Variants in ZAN observed in about 807,000 individuals in gnomAD.
ZAN encodes the protein zonadhesin (gene/pseudogene).
Under a neutral mutation model 286.2 loss-of-function variants are expected in ZAN, and 260 were observed. The ratio of observed to expected loss-of-function variants is 0.91; its 90% CI spans 0.82 to 1.01. ZAN has a LOEUF of 1.01. Ranked by LOEUF, ZAN falls within the 50% of genes least tolerant of loss-of-function variation. ZAN has a pLI of 0.00. For missense variants in ZAN, 3,410 were observed against 3,639.2 expected, an observed-to-expected ratio of 0.94 and a Z score of 1.62; for synonymous variants, 1,368 against 1,417.5, an observed-to-expected ratio of 0.97 and a Z score of 0.79.
In ZAN at chr7:100,765,488, C is replaced by T. The variant is rs1352850492; in HGVS notation, c.4404C>T (p.Leu1468=). The change falls in exon 23 of 48, where the codon CTC becomes CTT. Residue 1468 remains leucine, a synonymous_variant. Transcript: ENST00000613979. ...EACECNPGFV[L]SGLECIPRSQ... ...GTGAATGCAATCCGGGCTTCGTCCTCAGTGGCCTCGAGTGCATACCTCGCT... is the reference window on the plus strand; with the variant it reads ...GTGAATGCAATCCGGGCTTCGTCCTTAGTGGCCTCGAGTGCATACCTCGCT... 1.2e-5 allele frequency: 20 copies of T among 1,612,852 alleles called. No individual in the cohort carries two copies. Among genetic ancestry groups the T allele is most frequent in the Non-Finnish European group, 1.7e-5 (20 of 1,179,510 alleles).
chr7:100,787,587 T>G (rs1811641842), intron 37 of ZAN, among the ~76,000 whole-genome samples: 1 of 152,086 alleles, frequency 6.6e-6, no homozygotes, highest in African/African-American at 2.4e-5. Context: ...TGAGATGGTG[T>G]CTTACTCTGT....
chr7:100,762,255 G>T lies in ZAN; in HGVS notation c.3883G>T (p.Asp1295Tyr). Residue 1295 changes from aspartate (D) to tyrosine (Y), a missense_variant, in exon 20 of 48, where the codon GAC becomes TAC. Physicochemically the swap from Asp to Tyr is radical, Grantham distance 160. Coordinates refer to ENST00000613979, the MANE Select transcript of ZAN (RefSeq NM_003386.3). ...ACTCTGTGGTTTGTGTGGGAACTAT[G>T]ACGGCAACAGTGACAATGACCACCT... is the stretch of plus-strand genomic sequence containing the variant. ...GKLCGLCGNY[D>Y]GNSDNDHLKL... is the part of the protein sequence containing the mutation. 1.9e-6 allele frequency: 3 copies of T among 1,613,530 alleles called. No homozygotes were observed. Among genetic ancestry groups the T allele is most frequent in the Non-Finnish European group, 2.5e-6 (3 of 1,179,716 alleles).
intron 27 of ZAN, 137 bp downstream of exon 27, chr7:100,768,858 C>G: frequency 1.4e-6 from 1 of 702,628 alleles, no homozygotes; most frequent in Non-Finnish European, 2.3e-6. Context: ...CTGGCAATCT[C>G]TCCTGTTTAG....
chr7:100,779,419 C>T, intron 34 of ZAN, 27 bp from the exon 35 acceptor site: 1 of 1,587,012 alleles, frequency 6.3e-7, no homozygotes, highest in Non-Finnish European at 8.6e-7. Context: ...GACGGCTGTC[C>T]CTAGGCTGAT....
In ZAN at chr7:100,757,919, T is replaced by TAAAA. The variant is rs76692637; in HGVS notation, c.3310-266_3310-263dup. Among the ~76,000 whole-genome samples the TAAAA allele has an allele frequency of 1.8e-3, 194 of 104,938 alleles. 1 individual carries two copies. The highest frequency in any genetic ancestry group is 6.5e-3 in the African/African-American group (178 of 27,528). The allele number at this position is 104,938 out of a possible 152,430, so 68.8% of individuals were successfully genotyped here. On this transcript the variant is annotated intron_variant, in intron 15 of 47. Coordinates refer to ENST00000613979, the MANE Select transcript of ZAN (RefSeq NM_003386.3). ...GCAAGACTCCATCTCTCCAAAACGT[T>TAAAA]AAAAAAAAAAAAAAAAAAAAGTCGG... is the stretch of plus-strand genomic sequence containing the variant.
intron 3 of ZAN, 109 bp from the exon 4 acceptor site, chr7:100,736,374 C>A: frequency 7.9e-7 from 1 of 1,261,348 alleles, no homozygotes; most frequent in Non-Finnish European, 1.1e-6. Flanking sequence ...CGGCTGATTT[C>A]ATGGCAGCTT....
chr7:100,786,122 C>T lies in ZAN; in HGVS notation c.6960C>T (p.Asn2320=), dbSNP rs1458493182. 6.2e-7 allele frequency: 1 copy of T among 1,613,992 alleles called. No homozygotes were observed. The highest frequency in any genetic ancestry group is 1.1e-5 in the South Asian group (1 of 91,088). Residue 2320 remains asparagine, a synonymous_variant, in exon 37 of 48, where the codon AAC becomes AAT. Transcript: ENST00000613979. The part of the protein sequence containing the change: ...SHCQLTSDNS[N]SNCVSDKSEQ... Reference sequence around the variant, plus strand: ...GCCAGCTCACTTCCGACAACAGCAACAGCAATTGTGTCTCAGACAGTAAGG... The same window carrying T: ...GCCAGCTCACTTCCGACAACAGCAATAGCAATTGTGTCTCAGACAGTAAGG...
chr7:100,751,575 G>A (rs1240810841), intron 13 of ZAN, 137 bp from the exon 14 acceptor site: 24 of 936,174 alleles, frequency 2.6e-5, no homozygotes, highest in Non-Finnish European at 3.6e-5. Context: ...TCGTTGAGTG[G>A]ATGAAGGTTG....
intron 3 of ZAN, 111 bp downstream of exon 3, chr7:100,735,883 C>T (rs1807259616): frequency 1.2e-6 from 1 of 868,240 alleles, no homozygotes; most frequent in Non-Finnish European, 1.8e-6. Flanking sequence ...CCTCCAGTCC[C>T]CTCCGGGCAT....
intron 23 of ZAN, 29 bp downstream of exon 23, chr7:100,765,583 T>C (rs559088898): frequency 1.9e-6 from 3 of 1,570,752 alleles, no homozygotes; most frequent in East Asian, 2.4e-5. Flanking sequence ...CTCTCAGCCC[T>C]GCAGCTAGAA....
At chr7:100,759,665 G>A (rs549751939) in intron 17 of ZAN, 56 bp from the exon 18 acceptor site, 18 of 1,526,228 alleles carry the variant, frequency 1.2e-5, no homozygotes, top group East Asian at 4.9e-5. Flanking sequence ...GGCACTGCTC[G>A]CGGCAGATGT....
intron 28 of ZAN, among the ~76,000 whole-genome samples, chr7:100,771,012 C>G (rs1427592359): frequency 6.6e-6 from 1 of 152,154 alleles, no homozygotes. Context: ...CCATGTTGGC[C>G]AGGCTGATCT....
Position 100,784,966 on chromosome 7 carries a change from T to C in ZAN, c.6834+132T>C, listed in dbSNP as rs1032466449. Reference sequence around the variant, plus strand: ...CCGGGGGTGTGAAGGCTGGTGTGAGTGGCACATTGATCTCCAGCCAGGTCT... The same window carrying C: ...CCGGGGGTGTGAAGGCTGGTGTGAGCGGCACATTGATCTCCAGCCAGGTCT... On this transcript the variant is annotated intron_variant, in intron 36 of 47. Coordinates refer to ENST00000613979, the MANE Select transcript of ZAN (RefSeq NM_003386.3). 3.8e-5 allele frequency: 40 copies of C among 1,048,560 alleles called. No homozygotes were observed. In the African/African-American group the frequency reaches 5.5e-4, roughly 14 times the overall value. 65.0% of individuals were successfully genotyped at this position (1,048,560 alleles called of 1,614,324 possible).
rs1214006059 is a variant in ZAN, at chr7:100,776,485, C to T, written c.6238C>T (p.Leu2080=). The change falls in exon 34 of 48, where the codon CTA becomes TTA. Residue 2080 remains leucine, a synonymous_variant. Transcript: ENST00000613979. ...GNFNDEEEDE[L]MMPSDEVANS... Reference sequence around the variant, plus strand: ...CTTCAATGATGAGGAAGAGGACGAACTAATGATGCCCAGCGATGAAGTAGC... The same window carrying T: ...CTTCAATGATGAGGAAGAGGACGAATTAATGATGCCCAGCGATGAAGTAGC... The T allele has an allele frequency of 1.9e-6, 3 of 1,600,512 alleles. No individual in the cohort carries two copies. Among genetic ancestry groups the T allele is most frequent in the South Asian group, 1.1e-5 (1 of 88,158 alleles).
Position 100,736,867 on chromosome 7 carries a change from G to A in ZAN, c.312G>A (p.Leu104=). The A allele has an allele frequency of 2.7e-6, 4 of 1,485,246 alleles. 1 individual carries two copies. Among genetic ancestry groups the A allele is most frequent in the Middle Eastern group, 3.4e-4 (2 of 5,906 alleles). 92.0% of individuals were successfully genotyped at this position (1,485,246 alleles called of 1,614,324 possible). ...NSFHRGGVAR[L]LSPDLWEQGP... is the part of the protein sequence containing the mutation. The stretch of plus-strand genomic sequence containing the variant: ...TCCACCGTGGGGGAGTGGCCCGCCT[G>A]CTCAGCCCCGACCTATGGGAGCAAG... The change falls in exon 5 of 48, where the codon CTG becomes CTA. Residue 104 remains leucine, a synonymous_variant. Transcript: ENST00000613979.
In ZAN at chr7:100,737,307, G is replaced by T. The variant is rs1230015723; in HGVS notation, c.571G>T (p.Ala191Ser). 6.7e-7 allele frequency: 1 copy of T among 1,487,050 alleles called. No individual in the cohort carries two copies. The highest frequency in any genetic ancestry group is 1.2e-5 in the South Asian group (1 of 84,676). The allele number at this position is 1,487,050 out of a possible 1,614,324, so 92.1% of individuals were successfully genotyped here. A position where few individuals can be genotyped will look rare whatever the true frequency, so the allele number is the denominator to read the frequency against. Residue 191 changes from alanine (A) to serine (S), a missense_variant, in exon 6 of 48, where the codon GCC becomes TCC. Ala to Ser is a moderately conservative substitution (Grantham distance 99). Around this residue, in one of 7 missense-constraint regions of ZAN, gnomAD observed 872 missense variants for 938.9 expected, o/e 0.93. Transcript: ENST00000613979. ...TRGSTAYLDI[A>S]LDALSIRRGS... ...GGGTAGCACTGCCTACCTGGACATC[G>T]CCCTGGATGCCCTCTCTATCCGCCG...
chr7:100,755,506 A>G (rs775244030), intron 15 of ZAN, 96 bp downstream of exon 15: 21 of 1,406,920 alleles, frequency 1.5e-5, no homozygotes, highest in Non-Finnish European at 2.0e-5. Flanking sequence ...GGCAACAGGG[A>G]TCACCGGATA....
intron 23 of ZAN, among the ~76,000 whole-genome samples, 181 bp from the exon 24 acceptor site, chr7:100,766,344 G>GA (rs1809970159): frequency 1.3e-5 from 2 of 152,170 alleles, no homozygotes; most frequent in Non-Finnish European, 2.9e-5. Context: ...TGTAGTGACT[G>GA]AAAAAACGAA....
Position 100,753,188 on chromosome 7 carries a change from G to C in ZAN, c.3083G>C (p.Ser1028Thr). Residue 1028 changes from serine to threonine, a missense_variant, in exon 14 of 48, where the codon AGT becomes ACT. By Grantham distance (58) the Ser-to-Thr change is moderately conservative. Transcript: ENST00000613979. ...SPHAPSTPMT[S>T]VILGTTTTSR... is the part of the protein sequence containing the mutation. ...CATGCTCCAAGTACCCCTATGACCA[G>C]TGTGATTCTGGGCACTACCACAACC... The C allele has an allele frequency of 6.2e-7, 1 of 1,609,110 alleles. No individual in the cohort carries two copies. The highest frequency in any genetic ancestry group is 1.1e-5 in the South Asian group (1 of 90,370).
Sources: gnomAD v4.1 joint callset for allele counts (sites outside exome capture counted in the v4.1 genomes callset) on GRCh38, gnomAD v4.1.1 for gene constraint, gnomAD v4.1.1 regional missense constraint, MANE v1.5 for transcripts, NCBI Gene and HGNC (gene_info 2026-07-23, HGNC 2026-07-21) for gene names.